Variants in AGGF1 observed in about 807,000 individuals in gnomAD.
AGGF1 encodes angiogenic factor with G patch and FHA domains 1.
In AGGF1, 56 loss-of-function variants were observed where a neutral mutation model predicts 86.5. The ratio of observed to expected loss-of-function variants is 0.65; its 90% confidence interval spans 0.52 to 0.81. The LOEUF is 0.81. Among genes scored for constraint, AGGF1 ranks in the 30% least tolerant of loss-of-function variants. The probability of loss-of-function intolerance (pLI) is 0.00; values close to 1 mark genes in which losing one functional copy is unlikely to be tolerated. For missense variants in AGGF1, 816 were observed against 850.9 expected (o/e 0.96, Z 0.51); for synonymous variants, 313 against 297.1 (o/e 1.05, Z -0.55).
rs1180526053 is a variant in AGGF1 at position 77,054,060 on chromosome 5, T to C, written c.1563T>C (p.Asp521=). The change falls in exon 10 of 14, where the codon GAT becomes GAC. Residue 521 remains aspartate (D), a synonymous_variant. Transcript: ENST00000312916. ...CCTTTCACATTCATCCTGGCAGTGA[T>C]ACCTGTGATGGCTGTGAACCAGGGC... ...VLSFHIHPGS[D]TCDGCEPGQV... 6.2e-7 allele frequency: 1 copy of C among 1,614,080 alleles called. No individual in the cohort carries two copies.
chr5:77,048,533 G>A (rs1747312648), intron 7 of AGGF1, among the ~76,000 whole-genome samples: 1 of 152,120 alleles, frequency 6.6e-6, no homozygotes, highest in South Asian at 2.1e-4. Flanking sequence ...TGTGTTTTTA[G>A]TAGAGACGGG....
intron 3 of AGGF1, 21 bp from the exon 4 acceptor site, chr5:77,036,535 G>T (rs778843266): frequency 1.2e-6 from 2 of 1,613,458 alleles, no homozygotes; most frequent in Non-Finnish European, 1.7e-6. Context: ...GTCTTATTTG[G>T]CATGACTATA....
Position 77,035,564 on chromosome 5 carries a change from A to G in AGGF1, c.337A>G (p.Asn113Asp), listed in dbSNP as rs1189175771. The G allele has an allele frequency of 1.9e-6, 3 of 1,612,900 alleles. No individual in the cohort carries two copies. The highest frequency in any genetic ancestry group is 2.5e-6 in the Non-Finnish European group (3 of 1,179,328). ...ISDYFYQTYY[N>D]DVSLPNKVTE... Reference sequence around the variant, plus strand: ...AGATTATTTTTATCAGACGTACTACAATGACGTTAGTCTTCCAAATAAAGT... The same window carrying G: ...AGATTATTTTTATCAGACGTACTACGATGACGTTAGTCTTCCAAATAAAGT... The change falls in exon 3 of 14, where the codon AAT becomes GAT. Residue 113 changes from asparagine (N) to aspartate (D), a missense_variant. Asn to Asp is a conservative substitution (Grantham distance 23). This residue lies in a region of AGGF1 where 240 missense variants were observed against 234.4 expected (regional missense o/e 1.02). Transcript: ENST00000312916.
At chr5:77,035,363 C>T (rs1746944474) in intron 2 of AGGF1, among the ~76,000 whole-genome samples, 178 bp from the exon 3 acceptor site, 1 of 152,030 alleles carries the variant, frequency 6.6e-6, no homozygotes, top group Non-Finnish European at 1.5e-5. Flanking sequence ...AAGATACACA[C>T]TTCTGCAGAT....
At chr5:77,042,509 C>G (rs1286198101) in intron 5 of AGGF1, among the ~76,000 whole-genome samples, 1 of 83,004 alleles carries the variant, frequency 1.2e-5, no homozygotes, top group Non-Finnish European at 2.9e-5. Flanking sequence ...CCCCACCTCC[C>G]TCCCGGACGG....
At chr5:77,048,858 G>A in intron 7 of AGGF1, 78 bp from the exon 8 acceptor site, 1 of 1,368,732 alleles carries the variant, frequency 7.3e-7, no homozygotes, top group Non-Finnish European at 1.0e-6. Context: ...AACATTATCT[G>A]TTTTTTAAAA....
chr5:77,030,662 T>C lies in AGGF1; in HGVS notation c.-105T>C. 2 of 1,310,702 alleles carry C rather than the reference T, an allele frequency of 1.5e-6. No individual in the cohort carries two copies. Among genetic ancestry groups the C allele is most frequent in the Non-Finnish European group, 2.1e-6 (2 of 946,916 alleles). 81.2% of individuals were successfully genotyped at this position (1,310,702 alleles called of 1,614,324 possible). A position where few individuals can be genotyped will look rare whatever the true frequency, so the allele number is the denominator to read the frequency against. ...CACCGCGGCCAGCCGGGTGTGAGGC[T>C]GCCTTTCGCTGCCCGCGCGCTCCAG... On this transcript the variant is annotated 5_prime_UTR_variant, in exon 1 of 14. Transcript: ENST00000312916.
rs1561285639 is a variant in AGGF1 at position 77,041,796 on chromosome 5, TATTTA to T, written c.870+2078_870+2082del. The stretch of plus-strand genomic sequence containing the variant: ...AAGACAAGAACTTTTTTTATTTATT[TATTTA>T]TTTATTTATTTATTTTTAATTTATT... On this transcript the variant is annotated intron_variant, in intron 5 of 13. Transcript: ENST00000312916. Among the ~76,000 whole-genome samples, 644 of 129,722 alleles carry T rather than the reference TATTTA, an allele frequency of 5.0e-3. 12 individuals carry two copies. The highest frequency in any genetic ancestry group is 0.016 in the African/African-American group (602 of 36,792). The allele number at this position is 129,722 out of a possible 152,430, so 85.1% of individuals were successfully genotyped here.
rs138660986 is a variant in AGGF1, at chr5:77,030,850, G to T, written c.84G>T (p.Lys28Asn). 1.2e-6 allele frequency: 2 copies of T among 1,612,700 alleles called. No individual in the cohort carries two copies. The highest frequency in any genetic ancestry group is 1.7e-6 in the Non-Finnish European group (2 of 1,179,950). ...PEPELAQLRR[K>N]VEKLERELRS... ...CTGAGCTGGCCCAGCTAAGGCGGAA[G>T]GTGGAGAAGTTGGAACGTGAACTGC... The change falls in exon 1 of 14, where the codon AAG becomes AAT. Residue 28 changes from lysine to asparagine, a missense_variant. Lys to Asn is a moderately conservative substitution (Grantham distance 94). Coordinates refer to ENST00000312916, the MANE Select transcript of AGGF1 (RefSeq NM_018046.5).
At chr5:77,052,866 A>G in intron 9 of AGGF1, 59 bp downstream of exon 9, 3 of 1,326,892 alleles carry the variant, frequency 2.3e-6, no homozygotes, top group Non-Finnish European at 3.2e-6. Flanking sequence ...ATTTTTTTTT[A>G]TTTCTGAAGG....
In AGGF1 at chr5:77,065,032, A is replaced by G. The variant is rs912311055; in HGVS notation, c.*1780A>G. On this transcript the variant is annotated 3_prime_UTR_variant, in exon 14 of 14. Transcript: ENST00000312916. The stretch of plus-strand genomic sequence containing the variant: ...CCACTATTAGTGGTTAAAGTACTGA[A>G]TAATGTCTGGGTCTATTTCCATCTG... The G allele has an allele frequency of 2.6e-5, 4 of 152,196 alleles. No individual in the cohort carries two copies. Among genetic ancestry groups the G allele is most frequent in the African/African-American group, 9.7e-5 (4 of 41,444 alleles). 9.4% of individuals were successfully genotyped at this position (152,196 alleles called of 1,614,324 possible). A position where few individuals can be genotyped will look rare whatever the true frequency, so the allele number is the denominator to read the frequency against.
At position 77,030,562 on chromosome 5, in the gene AGGF1, A is replaced by G. The variant is rs1289513213; in HGVS notation, c.-205A>G. The G allele has an allele frequency of 1.4e-6, 1 of 712,632 alleles. No individual in the cohort carries two copies. The highest frequency in any genetic ancestry group is 2.0e-5 in the Admixed American group (1 of 49,706). The allele number at this position is 712,632 out of a possible 1,614,324, so 44.1% of individuals were successfully genotyped here. A position where few individuals can be genotyped will look rare whatever the true frequency, so the allele number is the denominator to read the frequency against. On this transcript the variant is annotated 5_prime_UTR_variant, in exon 1 of 14. Coordinates refer to ENST00000312916, the MANE Select transcript of AGGF1 (RefSeq NM_018046.5). The stretch of plus-strand genomic sequence containing the variant: ...AGGCCGCGCACATCGGGCAGGGGCC[A>G]TCCTCGGTCCCCTTGCTCGTTGCTC...
At chr5:77,059,840 C>T (rs1747523465) in intron 12 of AGGF1, 97 bp downstream of exon 12, 2 of 1,499,256 alleles carry the variant, frequency 1.3e-6, no homozygotes, top group Non-Finnish European at 1.8e-6. Context: ...GATAGGTGGC[C>T]TATTTATTTG....
In AGGF1 at chr5:77,063,522, C is replaced by G. The variant is rs1747605374; in HGVS notation, c.*270C>G. The G allele has an allele frequency of 4.7e-6, 2 of 422,710 alleles. No homozygotes were observed. The highest frequency in any genetic ancestry group is 4.9e-5 in the South Asian group (2 of 40,442). 26.2% of individuals were successfully genotyped at this position (422,710 alleles called of 1,614,324 possible). A position where few individuals can be genotyped will look rare whatever the true frequency, so the allele number is the denominator to read the frequency against. ...CGTTATTTTATCTTGTCATTTACAA[C>G]ATCCATATAAGCAACTAGCCATATA... is the stretch of plus-strand genomic sequence containing the variant. On this transcript the variant is annotated 3_prime_UTR_variant, in exon 14 of 14. Transcript: ENST00000312916.
At chr5:77,045,966 T>C (rs1580130125) in intron 5 of AGGF1, among the ~76,000 whole-genome samples, 1 of 152,244 alleles carries the variant, frequency 6.6e-6, no homozygotes, top group African/African-American at 2.4e-5. Flanking sequence ...TGTTACATTT[T>C]TATTGGACAC....
intron 4 of AGGF1, among the ~76,000 whole-genome samples, chr5:77,038,223 A>G (rs1393927134): frequency 1.3e-5 from 2 of 152,240 alleles, no homozygotes; most frequent in African/African-American, 4.8e-5. Flanking sequence ...TGACAATGCT[A>G]ATTAATAACC....
In AGGF1 at chr5:77,063,225, G is replaced by A; in HGVS notation, c.2118G>A (p.Met706Ile). 2.5e-6 allele frequency: 4 copies of A among 1,613,708 alleles called. No individual in the cohort carries two copies. Among genetic ancestry groups the A allele is most frequent in the Non-Finnish European group, 3.4e-6 (4 of 1,179,780 alleles). ...CTCAAAAAGATGACCCAGGGACCAT[G>A]CCTTGGGTAAAAGGGACTTTAGAGT... ...TKPQKDDPGT[M>I]PWVKGTLE Residue 706 changes from methionine to isoleucine, a missense_variant, in exon 14 of 14, where the codon ATG (methionine) becomes ATA (isoleucine). This residue lies in a region of AGGF1 where 565 missense variants were observed against 585.8 expected (regional missense o/e 0.96). Coordinates refer to ENST00000312916, the MANE Select transcript of AGGF1 (RefSeq NM_018046.5).
intron 6 of AGGF1, among the ~76,000 whole-genome samples, chr5:77,047,553 G>T (rs1747291411): frequency 6.6e-6 from 1 of 152,052 alleles, no homozygotes. Context: ...TTGCTCTATT[G>T]CCCAGGCTGG....
chr5:77,042,034 C>A (rs1033814899), intron 5 of AGGF1, among the ~76,000 whole-genome samples: 58 of 150,980 alleles, frequency 3.8e-4, no homozygotes, highest in Admixed American at 8.5e-4. Flanking sequence ...ATGCTGCCTT[C>A]AAGCATCTGT....
Sources: gnomAD v4.1 joint callset for allele counts (sites outside exome capture counted in the v4.1 genomes callset) on GRCh38, gnomAD v4.1.1 for gene constraint, gnomAD v4.1.1 regional missense constraint, MANE v1.5 for transcripts, NCBI Gene and HGNC (gene_info 2026-07-23, HGNC 2026-07-21) for gene names.